KYNU: variants seen among roughly 807,000 people sequenced by gnomAD.
The protein encoded by KYNU is kynureninase.
Under a neutral mutation model 59.2 loss-of-function variants are expected in KYNU, and 54 were observed. The observed-to-expected ratio is 0.91, with a 90% CI of 0.73 to 1.14. The LOEUF (loss-of-function observed/expected upper bound fraction) is 1.14, where lower values mean the gene tolerates loss of function less well. Ranked by LOEUF, KYNU falls within the 50% of genes most tolerant of loss-of-function variation. The probability of loss-of-function intolerance (pLI) is 0.00; values close to 1 mark genes in which losing one functional copy is unlikely to be tolerated. For synonymous variants in KYNU, 177 were observed against 192.0 expected (o/e 0.92, Z 0.65); for missense variants, 567 against 554.4 (o/e 1.02, Z -0.23).
intron 3 of KYNU, among the ~76,000 whole-genome samples, chr2:142,926,662 C>T (rs951328207): frequency 5.9e-5 from 9 of 152,144 alleles, no homozygotes; most frequent in African/African-American, 2.2e-4. Context: ...GAAGCTATAG[C>T]TCCTCCCCAG....
chr2:142,936,436 T>C (rs1227391288), intron 4 of KYNU, among the ~76,000 whole-genome samples: 2 of 152,186 alleles, frequency 1.3e-5, no homozygotes, highest in Non-Finnish European at 2.9e-5. Context: ...CCTAGAGGGC[T>C]GTTTTTTGGA....
At chr2:142,912,453 C>A (rs1682514822) in intron 2 of KYNU, among the ~76,000 whole-genome samples, 1 of 141,828 alleles carries the variant, frequency 7.1e-6, no homozygotes, top group South Asian at 2.2e-4. Flanking sequence ...GATCTCGGCT[C>A]ACCACAACCT....
intron 10 of KYNU, among the ~76,000 whole-genome samples, chr2:143,025,085 C>T (rs1686514512): frequency 6.6e-6 from 1 of 151,792 alleles, no homozygotes; most frequent in African/African-American, 2.4e-5. Context: ...TTTCTGCATG[C>T]TCATTTTCAT....
At chr2:142,948,669 T>A (rs1233129290) in intron 4 of KYNU, among the ~76,000 whole-genome samples, 2 of 152,186 alleles carry the variant, frequency 1.3e-5, no homozygotes, top group Non-Finnish European at 2.9e-5. Flanking sequence ...AGACCTGCCC[T>A]CTTGATTCAA....
At chr2:142,940,261 T>A (rs1352486704) in intron 4 of KYNU, among the ~76,000 whole-genome samples, 2 of 152,266 alleles carry the variant, frequency 1.3e-5, no homozygotes, top group Non-Finnish European at 2.9e-5. Context: ...CTGTGAATTT[T>A]TTTTCACTTT....
At position 142,967,275 on chromosome 2, in the gene KYNU, G is replaced by A. The variant is rs549709081; in HGVS notation, c.729+6505G>A. 6 of 152,120 alleles carry A rather than the reference G, an allele frequency of 3.9e-5. No homozygotes were observed. In the East Asian group the frequency reaches 7.7e-4, roughly 20 times the overall value. 9.4% of individuals were successfully genotyped at this position (152,120 alleles called of 1,614,324 possible). A position where few individuals can be genotyped will look rare whatever the true frequency, so the allele number is the denominator to read the frequency against. ...TTTCTCACATCTTTTACACATTTTAGTGTACCTAATGGATGCTGGCATATT... is the reference window on the plus strand; with the variant it reads ...TTTCTCACATCTTTTACACATTTTAATGTACCTAATGGATGCTGGCATATT... On this transcript the variant is annotated intron_variant, in intron 8 of 13. Transcript: ENST00000264170.
intron 4 of KYNU, among the ~76,000 whole-genome samples, chr2:142,941,070 G>T (rs1213883411): frequency 6.6e-6 from 1 of 152,120 alleles, no homozygotes; most frequent in East Asian, 1.9e-4. Context: ...TTTTTATAAA[G>T]CTCAATCCCA....
chr2:143,007,847 A>C (rs1357460772), intron 10 of KYNU, among the ~76,000 whole-genome samples: 8 of 117,836 alleles, frequency 6.8e-5, no homozygotes, highest in African/African-American at 3.1e-4. Flanking sequence ...CTTTACAGAC[A>C]AGCAAATGCT....
intron 11 of KYNU, among the ~76,000 whole-genome samples, chr2:143,031,767 C>T (rs1403429326): frequency 6.6e-6 from 1 of 152,078 alleles, no homozygotes; most frequent in Non-Finnish European, 1.5e-5. Context: ...GGCCCACAGG[C>T]CATATGGCCA....
intron 4 of KYNU, among the ~76,000 whole-genome samples, chr2:142,949,104 G>T (rs765905536): frequency 1.3e-5 from 2 of 152,146 alleles, no homozygotes; most frequent in African/African-American, 4.8e-5. Flanking sequence ...TCCATGTCTC[G>T]CATCTGGGTC....
chr2:142,881,125 G>A (rs1156947308), intron 1 of KYNU, among the ~76,000 whole-genome samples: 2 of 152,144 alleles, frequency 1.3e-5, no homozygotes, highest in Non-Finnish European at 2.9e-5. Context: ...TTGAAGGGGA[G>A]CAAAACATTT....
intron 2 of KYNU, among the ~76,000 whole-genome samples, chr2:142,907,267 A>ACTTGGGCC (rs1227475183): frequency 1.3e-5 from 2 of 152,164 alleles, no homozygotes; most frequent in Non-Finnish European, 2.9e-5. Flanking sequence ...AGGAATGGAA[A>ACTTGGGCC]CTTGGGCCAT....
At chr2:142,998,053 G>A (rs1685595906) in intron 10 of KYNU, among the ~76,000 whole-genome samples, 1 of 152,146 alleles carries the variant, frequency 6.6e-6, no homozygotes, top group African/African-American at 2.4e-5. Flanking sequence ...AGAACACACA[G>A]CATATTAATA....
Position 142,884,278 on chromosome 2 carries a change from A to G in KYNU, c.-19-1071A>G, listed in dbSNP as rs991795078. Among the ~76,000 whole-genome samples the G allele has an allele frequency of 1.8e-3, 268 of 152,360 alleles. 2 individuals are homozygous for G. Among genetic ancestry groups the G allele is most frequent in the African/African-American group, 6.3e-3 (263 of 41,582 alleles). On this transcript the variant is annotated intron_variant, in intron 1 of 13. Coordinates refer to ENST00000264170, the MANE Select transcript of KYNU (RefSeq NM_003937.3). Reference sequence around the variant, plus strand: ...GTGGATGAATCTCTTTGGTATTCATATGAACAAAATACTAACATTTTAAGT... The same window carrying G: ...GTGGATGAATCTCTTTGGTATTCATGTGAACAAAATACTAACATTTTAAGT...
intron 2 of KYNU, among the ~76,000 whole-genome samples, chr2:142,906,992 T>C (rs1348093674): frequency 6.6e-6 from 1 of 152,160 alleles, no homozygotes; most frequent in Non-Finnish European, 1.5e-5. Flanking sequence ...CCGGTGGCCA[T>C]GCTAATCGTT....
At chr2:142,920,838 G>C (rs758817632) in intron 3 of KYNU, among the ~76,000 whole-genome samples, 9 of 152,132 alleles carry the variant, frequency 5.9e-5, no homozygotes, top group Non-Finnish European at 1.2e-4. Flanking sequence ...AAATGTCTGT[G>C]GTGTTTGGGA....
At chr2:143,039,304 A>G (rs1314657493) in intron 12 of KYNU, among the ~76,000 whole-genome samples, 1 of 152,154 alleles carries the variant, frequency 6.6e-6, no homozygotes. Context: ...TAAAGCAGTT[A>G]TAAATATCAC....
intron 2 of KYNU, among the ~76,000 whole-genome samples, chr2:142,918,112 T>C (rs1682727444): frequency 6.6e-6 from 1 of 152,178 alleles, no homozygotes; most frequent in Non-Finnish European, 1.5e-5. Context: ...TACGTGTGTA[T>C]GGATATAGAA....
At chr2:142,894,966 C>G (rs1232447954) in intron 2 of KYNU, among the ~76,000 whole-genome samples, 2 of 152,074 alleles carry the variant, frequency 1.3e-5, no homozygotes, top group Non-Finnish European at 2.9e-5. Context: ...GTTCATACTT[C>G]TATTTAACAA....
Sources: allele counts gnomAD v4.1 joint callset (sites outside exome capture counted in the v4.1 genomes callset), GRCh38; gene constraint gnomAD v4.1.1; transcripts MANE v1.5; gene names NCBI Gene and HGNC (gene_info 2026-07-23, HGNC 2026-07-21).